Variants in USP44 observed in about 807,000 individuals in gnomAD.
USP44 encodes the protein ubiquitin carboxyl-terminal hydrolase 44.
USP44 carries 61 observed loss-of-function variants against 69.0 expected under a neutral mutation model. The observed-to-expected ratio is 0.88, with a 90% confidence interval of 0.72 to 1.09. USP44 has a LOEUF of 1.09. USP44 is among the 50% of genes least tolerant of loss of function. USP44 has a pLI of 0.00. For synonymous variants in USP44, 297 were observed against 295.4 expected (o/e 1.01, Z -0.06); for missense variants, 753 against 849.9 (o/e 0.89, Z 1.42).
rs2077630289 is a variant in USP44 at position 95,548,054 on chromosome 12, G to A, written c.-71+3218C>T. On this transcript the variant is annotated intron_variant, in intron 1 of 5. Transcript: ENST00000258499. The surrounding 1 kb of genome is among the most constrained non-coding windows in gnomAD (Gnocchi z 4.1). ...TGACATATTTCTTATCCCCCATAAT[G>A]AATTCAGCCATATGGCATTCTTTCC... is the stretch of plus-strand genomic sequence containing the variant. The A allele has an allele frequency of 6.6e-6, 1 of 152,150 alleles. No individual in the cohort carries two copies. Among genetic ancestry groups the A allele is most frequent in the African/African-American group, 2.4e-5 (1 of 41,404 alleles). The allele number at this position is 152,150 out of a possible 1,614,324, so 9.4% of individuals were successfully genotyped here. A position where few individuals can be genotyped will look rare whatever the true frequency, so the allele number is the denominator to read the frequency against.
At chr12:95,520,942 C>A in intron 5 of USP44, 55 bp downstream of exon 5, 1 of 1,546,166 alleles carries the variant, frequency 6.5e-7, no homozygotes, top group Non-Finnish European at 8.9e-7. Context: ...CGGTTAAAGC[C>A]TGAACTCCAG....
At position 95,533,232 on chromosome 12, in the gene USP44, G is replaced by C; in HGVS notation, c.1025C>G (p.Thr342Arg). The C allele has an allele frequency of 6.2e-7, 1 of 1,614,054 alleles. No individual in the cohort carries two copies. Among genetic ancestry groups the C allele is most frequent in the South Asian group, 1.1e-5 (1 of 91,078 alleles). ...YQMNECQEKD[T>R]GFVCSRQSSL... Reference sequence around the variant, plus strand: ...TGATTGTCTGGAGCAAACAAAACCTGTATCTTTTTCCTGACATTCATTCAT... The same window carrying C: ...TGATTGTCTGGAGCAAACAAAACCTCTATCTTTTTCCTGACATTCATTCAT... Residue 342 changes from threonine (T) to arginine (R), a missense_variant, in exon 2 of 6, where the codon ACA (threonine) becomes AGA (arginine). By Grantham distance (71) the Thr-to-Arg change is moderately conservative. Transcript: ENST00000258499.
In USP44 at chr12:95,533,330, C is replaced by A; in HGVS notation, c.927G>T (p.Trp309Cys). Residue 309 changes from tryptophan to cysteine, a missense_variant, in exon 2 of 6, where the codon TGG (tryptophan) becomes TGT (cysteine). Transcript: ENST00000258499. ...QCFLKLDLNQ[W>C]LAMTASEKTR... ...TCTTCTCGCTAGCAGTCATAGCCAGCCATTGGTTCAGATCAAGCTTTAAAA... is the reference window on the plus strand; with the variant it reads ...TCTTCTCGCTAGCAGTCATAGCCAGACATTGGTTCAGATCAAGCTTTAAAA... 1 of 1,614,010 alleles carries A rather than the reference C, an allele frequency of 6.2e-7. No homozygotes were observed. Among genetic ancestry groups the A allele is most frequent in the Non-Finnish European group, 8.5e-7 (1 of 1,180,006 alleles).
At chr12:95,539,478 G>A (rs932410157) in intron 1 of USP44, among the ~76,000 whole-genome samples, 4 of 151,968 alleles carry the variant, frequency 2.6e-5, no homozygotes, top group Non-Finnish European at 4.4e-5. Flanking sequence ...TGCCCGCCTC[G>A]GCCTCCCAAA....
Position 95,549,062 on chromosome 12 carries a change from G to T in USP44, c.-71+2210C>A, listed in dbSNP as rs764040122. Among the ~76,000 whole-genome samples the T allele has an allele frequency of 3.3e-5, 5 of 152,226 alleles. No individual in the cohort carries two copies. The East Asian group carries it at 5.8e-4, about 18-fold the overall frequency. On this transcript the variant is annotated intron_variant, in intron 1 of 5. Coordinates refer to ENST00000258499, the MANE Select transcript of USP44 (RefSeq NM_032147.5). ...GGGCGGGCTTCGCACCTGTAGTGCC[G>T]TCGGGACACGGGAGGGTAAACCCAG... is the stretch of plus-strand genomic sequence containing the variant.
At chr12:95,527,442 A>T (rs774867421) in intron 3 of USP44, among the ~76,000 whole-genome samples, 1 of 151,884 alleles carries the variant, frequency 6.6e-6, no homozygotes, top group African/African-American at 2.4e-5. Flanking sequence ...CTTAACTCCC[A>T]CTACATATAC....
At chr12:95,537,703 C>T (rs959791722) in intron 1 of USP44, among the ~76,000 whole-genome samples, 2 of 152,014 alleles carry the variant, frequency 1.3e-5, no homozygotes, top group South Asian at 2.1e-4. Context: ...ATTTTAAAGA[C>T]GTAGAATGAG....
At chr12:95,542,723 C>T (rs1047626082) in intron 1 of USP44, among the ~76,000 whole-genome samples, 1 of 150,792 alleles carries the variant, frequency 6.6e-6, no homozygotes, top group Non-Finnish European at 1.5e-5. Context: ...TGCACTCCAG[C>T]CTGGGTGACA....
Position 95,533,041 on chromosome 12 carries a change from G to A in USP44, c.1216C>T (p.Leu406=). The change falls in exon 2 of 6, where the codon CTA becomes TTA. Residue 406 remains leucine (L), a synonymous_variant. Transcript: ENST00000258499. The part of the protein sequence containing the change: ...KWALVSPFAM[L]HSVWRLIPAF... ...GGAATGAGTCTCCACACTGAGTGTA[G>A]CATAGCAAATGGTGAGACCAACGCC... The A allele has an allele frequency of 9.3e-6, 15 of 1,614,248 alleles. No individual in the cohort carries two copies. The highest frequency in any genetic ancestry group is 1.2e-5 in the Non-Finnish European group (14 of 1,180,048).
At chr12:95,545,527 G>A (rs926812940) in intron 1 of USP44, among the ~76,000 whole-genome samples, 1 of 152,150 alleles carries the variant, frequency 6.6e-6, no homozygotes, top group Non-Finnish European at 1.5e-5. Context: ...AATGCATTTG[G>A]ATAAGAATGA....
At chr12:95,541,682 G>A (rs778203018) in intron 1 of USP44, among the ~76,000 whole-genome samples, 4 of 152,024 alleles carry the variant, frequency 2.6e-5, no homozygotes, top group Admixed American at 6.6e-5. Flanking sequence ...CAATAAAAAC[G>A]TATACATTTG....
Position 95,548,441 on chromosome 12 carries a change from C to T in USP44, c.-71+2831G>A, listed in dbSNP as rs1308376762. ...GCGCCCGTTCTCCCCCAGCTCGCCC[C>T]CTCCAGCCCGCTGCGCCTTGCCGCA... On this transcript the variant is annotated intron_variant, in intron 1 of 5. Coordinates refer to ENST00000258499, the MANE Select transcript of USP44 (RefSeq NM_032147.5). The surrounding 1 kb of genome is among the most constrained non-coding windows in gnomAD (Gnocchi z 4.1). The T allele has an allele frequency of 1.3e-5, 2 of 152,710 alleles. No homozygotes were observed. The highest frequency in any genetic ancestry group is 2.9e-5 in the Non-Finnish European group (2 of 68,472). 9.5% of individuals were successfully genotyped at this position (152,710 alleles called of 1,614,324 possible).
At chr12:95,531,129 A>C (rs1389064264) in intron 2 of USP44, among the ~76,000 whole-genome samples, 2 of 152,100 alleles carry the variant, frequency 1.3e-5, no homozygotes, top group African/African-American at 4.8e-5. Flanking sequence ...GCGCCACTGC[A>C]CTCCAGCCTG....
intron 1 of USP44, among the ~76,000 whole-genome samples, chr12:95,543,898 T>G (rs1380862312): frequency 5.3e-5 from 6 of 113,164 alleles, no homozygotes; most frequent in South Asian, 6.0e-4. Flanking sequence ...AACCAGGAGG[T>G]GGAGCTTGCA....
chr12:95,518,327 TG>T lies in USP44; in HGVS notation c.1965del (p.Lys656AsnfsTer2). 6.2e-7 allele frequency: 1 copy of T among 1,614,212 alleles called. No homozygotes were observed. The highest frequency in any genetic ancestry group is 8.5e-7 in the Non-Finnish European group (1 of 1,180,032). Reference sequence around the variant, plus strand: ...TCATCCATAGTGCACATGCTTAGTTTGGAATCATTGCAGTGTACCCAGAACC... The same window carrying T: ...TCATCCATAGTGCACATGCTTAGTTTGAATCATTGCAGTGTACCCAGAACC... Reference protein sequence around the residue: ...EGGFWVHCNDSKLSMCTMDEV... With the variant: ...EGGFWVHCNDXKLSMCTMDEV... On this transcript the variant is annotated frameshift_variant, in exon 6 of 6. Transcript: ENST00000258499. LOFTEE classifies it high-confidence loss of function.
chr12:95,532,938 T>C lies in USP44; in HGVS notation c.1319A>G (p.Glu440Gly). 1.9e-6 allele frequency: 3 copies of C among 1,614,208 alleles called. No individual in the cohort carries two copies. The highest frequency in any genetic ancestry group is 2.5e-6 in the Non-Finnish European group (3 of 1,180,026). ...ELLDKIQREL[E>G]TTGTSLPALI... ...AGCTGGTAAACTGGTACCAGTTGTC[T>C]CTAATTCACGTTGTATTTTATCTAA... Residue 440 changes from glutamate to glycine, a missense_variant, in exon 2 of 6, where the codon GAG becomes GGG. Coordinates refer to ENST00000258499, the MANE Select transcript of USP44 (RefSeq NM_032147.5).
At chr12:95,526,016 C>A (rs886778336) in intron 3 of USP44, among the ~76,000 whole-genome samples, 2 of 152,236 alleles carry the variant, frequency 1.3e-5, no homozygotes, top group African/African-American at 4.8e-5. Context: ...TCTCCTAGCA[C>A]ATCGGTCCAA....
chr12:95,533,854 C>T lies in USP44; in HGVS notation c.403G>A (p.Gly135Ser), dbSNP rs1056822867. 52 of 1,613,890 alleles carry T rather than the reference C, an allele frequency of 3.2e-5. 1 individual carries two copies. Among genetic ancestry groups the T allele is most frequent in the Non-Finnish European group, 4.2e-5 (50 of 1,180,018 alleles). The change falls in exon 2 of 6, where the codon GGT becomes AGT. Residue 135 changes from glycine to serine, a missense_variant. Transcript: ENST00000258499. ...TGDDSYFLHD[G>S]AQSLLQSEDQ... ...TCACTTTGAAGCAGAGATTGGGCAC[C>T]GTCATGTAAGAAATAAGAATCATCA...
chr12:95,524,601 AT>A, intron 4 of USP44, 78 bp downstream of exon 4: 1 of 1,115,794 alleles, frequency 9.0e-7, no homozygotes, highest in Non-Finnish European at 1.3e-6. Context: ...AGGGGAAAAA[AT>A]TATAACATGC....
Sources: gnomAD v4.1 joint callset for allele counts (sites outside exome capture counted in the v4.1 genomes callset) on GRCh38, gnomAD v4.1.1 for gene constraint, Gnocchi (gnomAD v3.1) non-coding constraint, MANE v1.5 for transcripts, NCBI Gene and HGNC (gene_info 2026-07-23, HGNC 2026-07-21) for gene names.